Variants in KCNK3 observed in about 807,000 individuals in gnomAD.
KCNK3 encodes the protein potassium channel subfamily K member 3.
KCNK3 carries 9 observed loss-of-function variants against 27.3 expected under a neutral mutation model. The observed-to-expected ratio is 0.33, with a 90% CI of 0.20 to 0.57. The LOEUF is 0.57. KCNK3 is among the 20% of genes least tolerant of loss of function. The pLI is 0.87. For missense variants in KCNK3, 391 were observed against 577.7 expected (o/e 0.68, Z 3.31); for synonymous variants, 278 against 273.8 (o/e 1.02, Z -0.15).
chr2:26,722,716 G>A (rs1663347212), intron 1 of KCNK3, among the ~76,000 whole-genome samples: 1 of 152,168 alleles, frequency 6.6e-6, no homozygotes, highest in Non-Finnish European at 1.5e-5. Flanking sequence ...AATTTTGATG[G>A]GGAAAGAAAT....
chr2:26,695,444 C>T (rs1572599959), intron 1 of KCNK3, among the ~76,000 whole-genome samples: 1 of 152,340 alleles, frequency 6.6e-6, no homozygotes, highest in Admixed American at 6.5e-5. Flanking sequence ...AATCCCCCCT[C>T]CTCCTCAAAG....
At chr2:26,699,524 A>G (rs191601474) in intron 1 of KCNK3, among the ~76,000 whole-genome samples, 1 of 152,252 alleles carries the variant, frequency 6.6e-6, no homozygotes, top group Admixed American at 6.5e-5. Context: ...CACTATAAAC[A>G]GCTTTCAGCT....
At chr2:26,717,884 A>G (rs367676147) in intron 1 of KCNK3, among the ~76,000 whole-genome samples, 92 of 152,276 alleles carry the variant, frequency 6.0e-4, no homozygotes, top group African/African-American at 1.9e-3. Context: ...CATTCATTCA[A>G]CAGAAATTGA....
intron 1 of KCNK3, among the ~76,000 whole-genome samples, chr2:26,720,456 G>A (rs1411900034): frequency 1.3e-5 from 2 of 152,212 alleles, no homozygotes; most frequent in Non-Finnish European, 2.9e-5. Context: ...GCCAGGCTGT[G>A]TCTGCAAACA....
intron 1 of KCNK3, among the ~76,000 whole-genome samples, chr2:26,697,320 C>T (rs1670248170): frequency 6.6e-6 from 1 of 152,198 alleles, no homozygotes; most frequent in Non-Finnish European, 1.5e-5. Flanking sequence ...GCCCGGACAA[C>T]ATGGCAAAAC....
At chr2:26,715,687 G>A (rs986655668) in intron 1 of KCNK3, among the ~76,000 whole-genome samples, 1 of 152,202 alleles carries the variant, frequency 6.6e-6, no homozygotes, top group African/African-American at 2.4e-5. Context: ...CTGAGGGCCG[G>A]GAGGGTGTAG....
rs559566137 is a variant in KCNK3 at position 26,703,638 on chromosome 2, C to G, written c.283+10480C>G. ...AAGATCATTTGAGATGTCCCGAAAT[C>G]TCCTGTGTGCCAGGCACTATGTGAG... On this transcript the variant is annotated intron_variant, in intron 1 of 1. Transcript: ENST00000302909. Among the ~76,000 whole-genome samples the G allele has an allele frequency of 3.3e-5, 5 of 152,314 alleles. No individual in the cohort carries two copies. In the East Asian group the frequency reaches 9.7e-4, roughly 29 times the overall value.
At position 26,693,185 on chromosome 2, in the gene KCNK3, G is replaced by T; in HGVS notation, c.283+27G>T. On this transcript the variant is annotated intron_variant, in intron 1 of 1. Coordinates refer to ENST00000302909, the MANE Select transcript of KCNK3 (RefSeq NM_002246.3). The surrounding 1 kb of genome is among the most constrained non-coding windows in gnomAD (Gnocchi z 5.5). ...TAACGGCTCGCCGGGCGGGGGGCGG[G>T]AACCCAGGGCTGGGCGCGGGGCTCC... 1 of 708,748 alleles carries T rather than the reference G, an allele frequency of 1.4e-6. No individual in the cohort carries two copies. Among genetic ancestry groups the T allele is most frequent in the South Asian group, 1.7e-5 (1 of 57,976 alleles). 43.9% of individuals were successfully genotyped at this position (708,748 alleles called of 1,614,324 possible).
chr2:26,700,432 T>C (rs1670292840), intron 1 of KCNK3, among the ~76,000 whole-genome samples: 1 of 152,222 alleles, frequency 6.6e-6, no homozygotes, highest in Non-Finnish European at 1.5e-5. Context: ...CTGCCACAAG[T>C]CACACCTTCA....
At chr2:26,712,379 G>A (rs1663134369) in intron 1 of KCNK3, among the ~76,000 whole-genome samples, 1 of 152,210 alleles carries the variant, frequency 6.6e-6, no homozygotes, top group South Asian at 2.1e-4. Flanking sequence ...GGTTGAGTGA[G>A]TATGTTTCTA....
chr2:26,730,486 G>T lies in KCNK3; in HGVS notation c.*1918G>T, dbSNP rs1731260. 0.57 allele frequency: 86,387 copies of T among 152,140 alleles called. 25,970 individuals are homozygous for T. Among genetic ancestry groups the T allele is most frequent in the East Asian group, 0.8 (4,124 of 5,150 alleles). 9.4% of individuals were successfully genotyped at this position (152,140 alleles called of 1,614,324 possible). On this transcript the variant is annotated 3_prime_UTR_variant, in exon 2 of 2. Coordinates refer to ENST00000302909, the MANE Select transcript of KCNK3 (RefSeq NM_002246.3). ...ATAATGACTGGGACAACATCAAGGG[G>T]TGGATGAGGGGCCTCTCCTCCCGCA... is the stretch of plus-strand genomic sequence containing the variant.
intron 1 of KCNK3, among the ~76,000 whole-genome samples, chr2:26,704,117 T>A (rs1670340520): frequency 6.6e-6 from 1 of 152,150 alleles, no homozygotes; most frequent in East Asian, 1.9e-4. Context: ...CCTGATTGCC[T>A]GACTTCCCGC....
intron 1 of KCNK3, among the ~76,000 whole-genome samples, chr2:26,705,043 C>T (rs915294472): frequency 6.6e-6 from 1 of 152,116 alleles, no homozygotes; most frequent in African/African-American, 2.4e-5. Flanking sequence ...TGGCTCACTG[C>T]AGCCTCGACT....
intron 1 of KCNK3, among the ~76,000 whole-genome samples, chr2:26,719,288 C>T (rs11684360): frequency 0.19 from 28,894 of 152,102 alleles, 3,029 homozygotes; most frequent in East Asian, 0.25. Context: ...TGAGAGAGTC[C>T]GCTGGCCCCC....
In KCNK3 at chr2:26,717,891, T is replaced by C. The variant is rs186801698; in HGVS notation, c.284-9776T>C. Among the ~76,000 whole-genome samples, 142 of 152,336 alleles carry C rather than the reference T, an allele frequency of 9.3e-4. 1 individual carries two copies. Among genetic ancestry groups the C allele is most frequent in the Admixed American group, 3.4e-3 (52 of 15,306 alleles). ...CCCTCAGTCATTCATTCAACAGAAA[T>C]TGATGAAGCAGCAGCTCTGTGCCAA... On this transcript the variant is annotated intron_variant, in intron 1 of 1. Transcript: ENST00000302909.
chr2:26,703,497 C>T (rs1670334207), intron 1 of KCNK3, among the ~76,000 whole-genome samples: 1 of 152,206 alleles, frequency 6.6e-6, no homozygotes, highest in Admixed American at 6.5e-5. Flanking sequence ...AAAGGGGCAG[C>T]CTGGAGAGTT....
intron 1 of KCNK3, among the ~76,000 whole-genome samples, chr2:26,703,984 G>C (rs576883761): frequency 6.6e-6 from 1 of 152,290 alleles, no homozygotes; most frequent in African/African-American, 2.4e-5. Flanking sequence ...CTGGAAGACA[G>C]AGGATAGGCC....
intron 1 of KCNK3, among the ~76,000 whole-genome samples, chr2:26,712,666 AGTGTGTGTGT>A (rs4007222): frequency 1.4e-5 from 2 of 145,704 alleles, no homozygotes; most frequent in South Asian, 4.4e-4. Context: ...TGGGTGTTGG[AGTGTGTGTGT>A]GTGTGTGTGT....
chr2:26,728,472 C>T lies in KCNK3; in HGVS notation c.1089C>T (p.Cys363=), dbSNP rs745644356. The T allele has an allele frequency of 6.4e-7, 1 of 1,555,994 alleles. No individual in the cohort carries two copies. Among genetic ancestry groups the T allele is most frequent in the South Asian group, 1.2e-5 (1 of 84,328 alleles). ...ACACGCCCTCGCGACGCTGCCTGTG[C>T]AGCGGGGCGCCACGCTCCGCCATCA... ...YSDTPSRRCL[C]SGAPRSAISS... is the part of the protein sequence containing the mutation. Residue 363 remains cysteine, a synonymous_variant, in exon 2 of 2, where the codon TGC becomes TGT. Transcript: ENST00000302909.
Sources: allele counts gnomAD v4.1 joint callset (sites outside exome capture counted in the v4.1 genomes callset), GRCh38; gene constraint gnomAD v4.1.1; non-coding constraint Gnocchi (gnomAD v3.1); transcripts MANE v1.5; gene names NCBI Gene and HGNC (gene_info 2026-07-23, HGNC 2026-07-21).